The following FYCO1 variants were observed in gnomAD, a reference collection of about 807,000 sequenced individuals.
FYCO1 encodes the protein FYVE and coiled-coil domain-containing protein 1.
Under a neutral mutation model 165.1 loss-of-function variants are expected in FYCO1, and 122 were observed. The ratio of observed to expected loss-of-function variants is 0.74; its 90% CI spans 0.64 to 0.86. FYCO1 has a LOEUF of 0.86. Ranked by LOEUF, FYCO1 falls within the 40% of genes least tolerant of loss-of-function variation. The pLI, the probability that FYCO1 is intolerant of heterozygous loss-of-function variation, is 0.00. For synonymous variants in FYCO1, 648 were observed against 742.5 expected (o/e 0.87, Z 2.07); for missense variants, 1,702 against 1,810.3 (o/e 0.94, Z 1.09).
intron 1 of FYCO1, among the ~76,000 whole-genome samples, chr3:45,985,592 G>A (rs932498541): frequency 5.9e-5 from 9 of 152,244 alleles, no homozygotes; most frequent in African/African-American, 2.2e-4. Context: ...TTCGTCGTGA[G>A]GCTTGAAGCC....
chr3:45,932,612 A>G (rs59842697), intron 15 of FYCO1, among the ~76,000 whole-genome samples: 2,058 of 152,326 alleles, frequency 0.014, 55 homozygotes, highest in African/African-American at 0.047. Context: ...TAACTTGCCC[A>G]ACACTGCGCA....
At chr3:45,981,529 G>A (rs1707054381) in intron 3 of FYCO1, 41 bp downstream of exon 3, 1 of 1,232,180 alleles carries the variant, frequency 8.1e-7, no homozygotes, top group Non-Finnish European at 1.2e-6. Context: ...GGAGAAAAGA[G>A]ATACCAGTGC....
rs1394099716 is a variant in FYCO1 at position 45,973,246 on chromosome 3, G to A, written c.396-15C>T. ...AGTACCAGTCACTGCAGAAAAACAT[G>A]TCAATTATAAGAGTAATAAAGATAA... is the stretch of plus-strand genomic sequence containing the variant. On this transcript the variant is annotated splice_polypyrimidine_tract_variant and intron_variant, in intron 5 of 17. Coordinates refer to ENST00000296137, the MANE Select transcript of FYCO1 (RefSeq NM_024513.4). 5 of 1,613,220 alleles carry A rather than the reference G, an allele frequency of 3.1e-6. No individual in the cohort carries two copies. Among genetic ancestry groups the A allele is most frequent in the Non-Finnish European group, 4.2e-6 (5 of 1,179,208 alleles).
intron 14 of FYCO1, 96 bp downstream of exon 14, chr3:45,955,153 T>C: frequency 7.1e-7 from 1 of 1,416,826 alleles, no homozygotes; most frequent in Non-Finnish European, 9.9e-7. Context: ...CAGTCAATCC[T>C]GCTTCCAGTG....
chr3:45,982,665 CTCTGGCAAT>C (rs1371946804), intron 2 of FYCO1, among the ~76,000 whole-genome samples: 5 of 152,220 alleles, frequency 3.3e-5, no homozygotes, highest in African/African-American at 1.2e-4. Flanking sequence ...CTATCTGCTT[CTCTGGCAAT>C]TCTTAAATTC....
intron 15 of FYCO1, among the ~76,000 whole-genome samples, chr3:45,933,619 G>A (rs1207214573): frequency 6.6e-6 from 1 of 152,124 alleles, no homozygotes; most frequent in Non-Finnish European, 1.5e-5. Flanking sequence ...TGATTCAGCA[G>A]TTGTAGTAAA....
intron 12 of FYCO1, 42 bp from the exon 13 acceptor site, chr3:45,958,661 T>C: frequency 1.3e-6 from 2 of 1,571,772 alleles, no homozygotes; most frequent in Non-Finnish European, 1.8e-6. Context: ...TGACACACTA[T>C]GATCTTGTGT....
At chr3:45,983,215 A>G (rs2125872455) in intron 2 of FYCO1, among the ~76,000 whole-genome samples, 1 of 152,336 alleles carries the variant, frequency 6.6e-6, no homozygotes, top group South Asian at 2.1e-4. Flanking sequence ...AGAAGCCAGA[A>G]GCTGAGCACA....
At position 45,967,713 on chromosome 3, in the gene FYCO1, G is replaced by C. The variant is rs200557771; in HGVS notation, c.1621C>G (p.Gln541Glu). The change falls in exon 8 of 18, where the codon CAG becomes GAG. Residue 541 changes from glutamine to glutamate, a missense_variant. Transcript: ENST00000296137. ...TGCTGGCTGAGGTGGTCTTTGTCCT[G>C]AATGAGCTGCTTCTTCTGCTCCTCC... ...DLEEQKKQLI[Q>E]DKDHLSQQVG... 3.6e-5 allele frequency: 58 copies of C among 1,613,402 alleles called. No homozygotes were observed. In the Admixed American group the frequency reaches 9.0e-4, roughly 25 times the overall value.
chr3:45,966,682 G>A lies in FYCO1; in HGVS notation c.2652C>T (p.Ser884=), dbSNP rs771633712. The A allele has an allele frequency of 1.3e-5, 21 of 1,613,946 alleles. No individual in the cohort carries two copies. Among genetic ancestry groups the A allele is most frequent in the East Asian group, 8.9e-5 (4 of 44,870 alleles). Residue 884 remains serine, a synonymous_variant, in exon 8 of 18, where the codon TCC becomes TCT. Transcript: ENST00000296137. ...QEELSQAKCS[S]EEAQLEHAEL... is the part of the protein sequence containing the mutation. ...CAGCGTGCTCCAGCTGTGCTTCCTC[G>A]GAGCTGCATTTGGCCTGGGACAGCT...
In FYCO1 at chr3:45,959,522, T is replaced by C; in HGVS notation, c.3458A>G (p.Gln1153Arg). Residue 1153 changes from glutamine to arginine, a missense_variant, in exon 12 of 18, where the codon CAG (glutamine) becomes CGG (arginine). Coordinates refer to ENST00000296137, the MANE Select transcript of FYCO1 (RefSeq NM_024513.4). ...CTGGAATTCCAGGGCATCTGACTTC[T>C]GCCAGAGAGCATCCTTGTCCCTGGG... is the stretch of plus-strand genomic sequence containing the variant. ...ELLRDKDALWQKSDALEFQQK... is the reference protein window; with the variant it reads ...ELLRDKDALWRKSDALEFQQK... 6.2e-7 allele frequency: 1 copy of C among 1,614,186 alleles called. No individual in the cohort carries two copies. Among genetic ancestry groups the C allele is most frequent in the South Asian group, 1.1e-5 (1 of 91,086 alleles).
intron 5 of FYCO1, 28 bp downstream of exon 5, chr3:45,975,211 C>T: frequency 6.7e-7 from 1 of 1,491,162 alleles, no homozygotes; most frequent in Non-Finnish European, 9.4e-7. Flanking sequence ...CGGGATGATC[C>T]CAAACCCCAG....
At chr3:45,931,590 C>G (rs982598551) in intron 15 of FYCO1, among the ~76,000 whole-genome samples, 1 of 152,242 alleles carries the variant, frequency 6.6e-6, no homozygotes, top group Non-Finnish European at 1.5e-5. Flanking sequence ...GATGGCCTGA[C>G]CTGCTCCACG....
At chr3:45,941,129 C>T (rs1173795982) in intron 14 of FYCO1, 1 of 152,266 alleles carries the variant, frequency 6.6e-6, no homozygotes, top group African/African-American at 2.4e-5. Context: ...CAATGATCCT[C>T]TCATCTTAGC....
At chr3:45,984,680 G>A (rs1707227283) in intron 2 of FYCO1, 176 bp downstream of exon 2, 5 of 727,892 alleles carry the variant, frequency 6.9e-6, no homozygotes, top group Non-Finnish European at 1.2e-5. Flanking sequence ...AGCTTTCCAA[G>A]CCTTACACAA....
chr3:45,964,997 C>T lies in FYCO1; in HGVS notation c.3150+36G>A, dbSNP rs775334814. ...GGTCCAGTCAAAACCACACCAGATGCCCTCTCCCTGACAGGTCTACACTAC... is the reference window on the plus strand; with the variant it reads ...GGTCCAGTCAAAACCACACCAGATGTCCTCTCCCTGACAGGTCTACACTAC... On this transcript the variant is annotated intron_variant, in intron 9 of 17. Transcript: ENST00000296137. The surrounding 1 kb of genome is among the most constrained non-coding windows in gnomAD (Gnocchi z 4.1). 6.5e-7 allele frequency: 1 copy of T among 1,548,704 alleles called. No homozygotes were observed.
At chr3:45,991,248 G>A (rs1159098795) in intron 1 of FYCO1, among the ~76,000 whole-genome samples, 2 of 152,226 alleles carry the variant, frequency 1.3e-5, no homozygotes, top group African/African-American at 4.8e-5. Context: ...TATTCCCAGA[G>A]TGAATAGAAT....
chr3:45,953,724 A>G (rs1264092377), intron 14 of FYCO1, among the ~76,000 whole-genome samples: 4 of 152,242 alleles, frequency 2.6e-5, no homozygotes, highest in Non-Finnish European at 4.4e-5. Context: ...ACTGATTAAA[A>G]GCAGCATAAA....
rs1442464938 is a variant in FYCO1 at position 45,967,701 on chromosome 3, G to A, written c.1633C>T (p.His545Tyr). 1.2e-6 allele frequency: 2 copies of A among 1,613,524 alleles called. No individual in the cohort carries two copies. The highest frequency in any genetic ancestry group is 1.7e-5 in the Admixed American group (1 of 60,016). ...AGCATACCCACCTGCTGGCTGAGGTGGTCTTTGTCCTGAATGAGCTGCTTC... is the reference window on the plus strand; with the variant it reads ...AGCATACCCACCTGCTGGCTGAGGTAGTCTTTGTCCTGAATGAGCTGCTTC... The part of the protein sequence containing the change: ...QKKQLIQDKD[H>Y]LSQQVGMLER... The change falls in exon 8 of 18, where the codon CAC becomes TAC. Residue 545 changes from histidine to tyrosine, a missense_variant. His to Tyr is a moderately conservative substitution (Grantham distance 83, BLOSUM62 2). Transcript: ENST00000296137.
Sources: gnomAD v4.1 joint callset for allele counts (sites outside exome capture counted in the v4.1 genomes callset) on GRCh38, gnomAD v4.1.1 for gene constraint, Gnocchi (gnomAD v3.1) non-coding constraint, MANE v1.5 for transcripts, NCBI Gene and HGNC (gene_info 2026-07-23, HGNC 2026-07-21) for gene names.